MACROD2: variants seen among roughly 807,000 people sequenced by gnomAD.
The protein encoded by MACROD2 is ADP-ribose glycohydrolase MACROD2.
MACROD2 carries 36 observed loss-of-function variants against 70.4 expected under a neutral mutation model. The ratio of observed to expected loss-of-function variants is 0.51; its 90% CI spans 0.39 to 0.68. MACROD2 has a LOEUF of 0.68. Ranked by LOEUF, MACROD2 falls within the 30% of genes least tolerant of loss-of-function variation. The pLI is 0.00. For missense variants in MACROD2, 496 were observed against 538.4 expected, an observed-to-expected ratio of 0.92 and a Z score of 0.78; for synonymous variants, 172 against 178.8, an observed-to-expected ratio of 0.96 and a Z score of 0.30.
At chr20:15,011,874 T>G (rs1409518430) in intron 5 of MACROD2, among the ~76,000 whole-genome samples, 1 of 152,164 alleles carries the variant, frequency 6.6e-6, no homozygotes, top group African/African-American at 2.4e-5. Context: ...TACCTCTTGT[T>G]ATGAATGAAG....
chr20:14,504,375 A>T (rs1246664385), intron 4 of MACROD2, among the ~76,000 whole-genome samples: 1 of 152,222 alleles, frequency 6.6e-6, no homozygotes, highest in African/African-American at 2.4e-5. Flanking sequence ...TGAGGTTAGG[A>T]TGAATAAAAT....
At chr20:15,793,121 C>CTG (rs139541881) in intron 8 of MACROD2, among the ~76,000 whole-genome samples, 9 of 124,456 alleles carry the variant, frequency 7.2e-5, no homozygotes, top group South Asian at 2.4e-4. Context: ...TAAAAAAAGA[C>CTG]TGTGTGTGTG....
intron 6 of MACROD2, among the ~76,000 whole-genome samples, chr20:15,397,562 G>T (rs2045876195): frequency 6.6e-6 from 1 of 152,190 alleles, no homozygotes; most frequent in African/African-American, 2.4e-5. Context: ...GCCTCTCAAA[G>T]TTGGGATTAC....
chr20:14,145,269 A>T (rs571799549), intron 3 of MACROD2, among the ~76,000 whole-genome samples: 1 of 152,092 alleles, frequency 6.6e-6, no homozygotes, highest in Non-Finnish European at 1.5e-5. Flanking sequence ...CTTTTTCTAC[A>T]TGTTCTAAAC....
chr20:14,194,648 G>A (rs1430142254), intron 3 of MACROD2, among the ~76,000 whole-genome samples: 1 of 152,182 alleles, frequency 6.6e-6, no homozygotes, highest in Non-Finnish European at 1.5e-5. Flanking sequence ...ATGGAGCGGG[G>A]ATAAGTGTGC....
At chr20:14,642,947 A>G (rs570294034) in intron 4 of MACROD2, among the ~76,000 whole-genome samples, 1 of 152,280 alleles carries the variant, frequency 6.6e-6, no homozygotes, top group East Asian at 1.9e-4. Flanking sequence ...GTTTGTAAAA[A>G]AAATGCAGTA....
chr20:15,958,060 G>T (rs1425241220), intron 12 of MACROD2, among the ~76,000 whole-genome samples: 1 of 152,170 alleles, frequency 6.6e-6, no homozygotes, highest in East Asian at 1.9e-4. Flanking sequence ...CTTAGGGAAA[G>T]CTACTTCTTA....
At chr20:14,827,198 T>G (rs1233218562) in intron 5 of MACROD2, among the ~76,000 whole-genome samples, 3 of 152,110 alleles carry the variant, frequency 2.0e-5, no homozygotes, top group Non-Finnish European at 4.4e-5. Flanking sequence ...CTACTCCAAC[T>G]ACATTAAAAA....
intron 7 of MACROD2, among the ~76,000 whole-genome samples, chr20:15,468,917 A>G (rs1362024872): frequency 6.6e-6 from 1 of 152,210 alleles, no homozygotes; most frequent in Non-Finnish European, 1.5e-5. Flanking sequence ...ATGAACCCAT[A>G]ATAATGGAAT....
At chr20:15,252,225 A>C (rs572838480) in intron 6 of MACROD2, among the ~76,000 whole-genome samples, 14 of 152,344 alleles carry the variant, frequency 9.2e-5, no homozygotes, top group Admixed American at 2.0e-4. Context: ...TTGCTAATTA[A>C]ATAAATTCAT....
chr20:15,457,664 T>C (rs2146406354), intron 7 of MACROD2, among the ~76,000 whole-genome samples: 1 of 152,280 alleles, frequency 6.6e-6, no homozygotes, highest in East Asian at 1.9e-4. Flanking sequence ...CCTTTAGTTG[T>C]ATAAATCATC....
chr20:16,023,134 A>G, intron 15 of MACROD2, among the ~76,000 whole-genome samples: 1 of 152,192 alleles, frequency 6.6e-6, no homozygotes, highest in Non-Finnish European at 1.5e-5. Flanking sequence ...AGAGTTTAAT[A>G]TAAGACAACA....
At chr20:15,851,335 C>G (rs1031174923) in intron 8 of MACROD2, among the ~76,000 whole-genome samples, 3 of 151,812 alleles carry the variant, frequency 2.0e-5, no homozygotes, top group African/African-American at 7.3e-5. Context: ...GTACCACAGA[C>G]TGGGTGGCTT....
rs2074777050 is a variant in MACROD2, at chr20:14,979,456, A to G, written c.419-250484A>G. 2.0e-5 allele frequency among the ~76,000 whole-genome samples: 3 copies of G among 152,168 alleles called. No individual in the cohort carries two copies. The South Asian group carries it at 6.2e-4, about 32-fold the overall frequency. On this transcript the variant is annotated intron_variant, in intron 5 of 17. Transcript: ENST00000684519. The stretch of plus-strand genomic sequence containing the variant: ...ACAAAAAAGTCATTACAGTTTTATT[A>G]TTTGTTGACAGCAAGAGAGAAAGAA...
chr20:15,414,612 A>C (rs1321120342), intron 6 of MACROD2, among the ~76,000 whole-genome samples: 1 of 152,244 alleles, frequency 6.6e-6, no homozygotes, highest in Non-Finnish European at 1.5e-5. Flanking sequence ...TACAAGGTAC[A>C]AGTATAGAGC....
At chr20:14,047,861 A>T (rs965527677) in intron 2 of MACROD2, among the ~76,000 whole-genome samples, 3 of 152,238 alleles carry the variant, frequency 2.0e-5, no homozygotes, top group Admixed American at 6.5e-5. Context: ...GAGCTGAAAA[A>T]AGCTTTAAAA....
intron 6 of MACROD2, among the ~76,000 whole-genome samples, chr20:15,423,045 T>C (rs1010817978): frequency 6.6e-6 from 1 of 152,170 alleles, no homozygotes; most frequent in Non-Finnish European, 1.5e-5. Flanking sequence ...TTGTCATAAA[T>C]GGAAAACAAG....
intron 5 of MACROD2, among the ~76,000 whole-genome samples, chr20:15,076,490 A>T (rs2075659166): frequency 6.6e-6 from 1 of 152,130 alleles, no homozygotes; most frequent in Non-Finnish European, 1.5e-5. Flanking sequence ...CTTATAATTG[A>T]GTGATGATTC....
chr20:14,665,064 C>G (rs193026323), intron 4 of MACROD2, among the ~76,000 whole-genome samples: 2 of 152,210 alleles, frequency 1.3e-5, no homozygotes, highest in African/African-American at 4.8e-5. Flanking sequence ...AATCCTCTGA[C>G]ATTAGGGCAA....
Sources: gnomAD v4.1 joint callset for allele counts (sites outside exome capture counted in the v4.1 genomes callset) on GRCh38, gnomAD v4.1.1 for gene constraint, MANE v1.5 for transcripts, NCBI Gene and HGNC (gene_info 2026-07-23, HGNC 2026-07-21) for gene names.